The following CLYBL variants were observed in gnomAD, a reference collection of about 807,000 sequenced individuals.
CLYBL encodes the protein citramalyl-CoA lyase.
A neutral mutation model predicts 38.9 loss-of-function variants in CLYBL; 31 were observed. The ratio of observed to expected loss-of-function variants is 0.80; its 90% confidence interval spans 0.60 to 1.08. The LOEUF (loss-of-function observed/expected upper bound fraction) is 1.08, where lower values mean the gene tolerates loss of function less well. Ranked by LOEUF, CLYBL falls within the 50% of genes least tolerant of loss-of-function variation. The pLI is 0.00. For synonymous variants in CLYBL, 171 were observed against 158.6 expected (o/e 1.08, Z -0.59); for missense variants, 434 against 411.6 (o/e 1.05, Z -0.47).
In CLYBL at chr13:99,849,445, C is replaced by T. The variant is rs766312133; in HGVS notation, c.250-9416C>T. On this transcript the variant is annotated intron_variant, in intron 2 of 8. Coordinates refer to ENST00000339105, the MANE Select transcript of CLYBL (RefSeq NM_206808.5). This position sits in a 1 kb window ranked among gnomAD's most constrained non-coding sequence, Gnocchi z 4.9. The stretch of plus-strand genomic sequence containing the variant: ...AGCGGATTGCTGGGGCCTAGGAGTT[C>T]GAGGCAGCAGTGAGCCATGATCCTG... Among the ~76,000 whole-genome samples the T allele has an allele frequency of 2.0e-5, 3 of 151,896 alleles. No homozygotes were observed. Among genetic ancestry groups the T allele is most frequent in the African/African-American group, 4.8e-5 (2 of 41,336 alleles).
chr13:99,880,980 G>A (rs1053161039), intron 7 of CLYBL, among the ~76,000 whole-genome samples: 8 of 152,206 alleles, frequency 5.3e-5, no homozygotes, highest in Non-Finnish European at 8.8e-5. Flanking sequence ...TGGGCTTTCC[G>A]GGGCCTTCCC....
At chr13:99,620,440 G>T (rs950925828) in intron 1 of CLYBL, among the ~76,000 whole-genome samples, 1 of 152,208 alleles carries the variant, frequency 6.6e-6, no homozygotes, top group Non-Finnish European at 1.5e-5. Context: ...AACAAGCAGT[G>T]CTGATGTCAG....
At chr13:99,719,241 C>G (rs2048361257) in intron 1 of CLYBL, among the ~76,000 whole-genome samples, 1 of 149,604 alleles carries the variant, frequency 6.7e-6, no homozygotes, top group Admixed American at 6.7e-5. Flanking sequence ...ACCTCCTGGG[C>G]TCACATGATC....
At chr13:99,728,241 A>G (rs2048514615) in intron 1 of CLYBL, among the ~76,000 whole-genome samples, 2 of 151,306 alleles carry the variant, frequency 1.3e-5, no homozygotes, top group Non-Finnish European at 2.9e-5. Context: ...TAAACTGGGT[A>G]CTTATTAATA....
At chr13:99,647,359 C>T (rs1487520285) in intron 1 of CLYBL, among the ~76,000 whole-genome samples, 3 of 152,106 alleles carry the variant, frequency 2.0e-5, no homozygotes, top group African/African-American at 7.2e-5. Context: ...GGAAGGCTCC[C>T]GCCCCACCTA....
At chr13:99,708,381 A>C (rs141821756) in intron 1 of CLYBL, among the ~76,000 whole-genome samples, 11 of 152,036 alleles carry the variant, frequency 7.2e-5, no homozygotes, top group South Asian at 6.2e-4. Flanking sequence ...TCATTTATTC[A>C]CTCACTCACT....
chr13:99,659,202 A>G (rs892948710), intron 1 of CLYBL, among the ~76,000 whole-genome samples: 2 of 150,672 alleles, frequency 1.3e-5, no homozygotes, highest in African/African-American at 2.5e-5. Flanking sequence ...CCTCTAAGCT[A>G]TGTGTGTGTG....
At chr13:99,635,490 T>TC (rs2047006277) in intron 1 of CLYBL, among the ~76,000 whole-genome samples, 1 of 152,098 alleles carries the variant, frequency 6.6e-6, no homozygotes, top group African/African-American at 2.4e-5. Context: ...AGCCTCCCCT[T>TC]CCACATGTTC....
Position 99,725,374 on chromosome 13 carries a change from A to G in CLYBL, c.63-47450A>G, listed in dbSNP as rs76205212. On this transcript the variant is annotated intron_variant, in intron 1 of 8. Coordinates refer to ENST00000339105, the MANE Select transcript of CLYBL (RefSeq NM_206808.5). The stretch of plus-strand genomic sequence containing the variant: ...TCAGGAACTGCTCTCAAGGGGAACA[A>G]AAGAAAAGGAAAAGTGAGGGCTAAC... Among the ~76,000 whole-genome samples, 1,128 of 152,286 alleles carry G rather than the reference A, an allele frequency of 7.4e-3. 12 individuals carry two copies. The highest frequency in any genetic ancestry group is 0.026 in the African/African-American group (1,068 of 41,544).
intron 7 of CLYBL, among the ~76,000 whole-genome samples, chr13:99,879,163 G>GA (rs770700320): frequency 3.2e-4 from 48 of 152,136 alleles, no homozygotes; most frequent in Admixed American, 1.2e-3. Flanking sequence ...TTGCACCCCC[G>GA]ACTTCCTGGA....
intron 1 of CLYBL, among the ~76,000 whole-genome samples, chr13:99,738,632 A>G (rs2048703370): frequency 6.6e-6 from 1 of 152,204 alleles, no homozygotes; most frequent in South Asian, 2.1e-4. Context: ...AGACCCAGAG[A>G]TTCAAGGGGA....
chr13:99,709,706 A>G (rs902292541), intron 1 of CLYBL, among the ~76,000 whole-genome samples: 3 of 151,908 alleles, frequency 2.0e-5, no homozygotes, highest in African/African-American at 7.3e-5. Context: ...TAACCCCTTC[A>G]AAATTAACTC....
chr13:99,623,440 A>G (rs766923167), intron 1 of CLYBL, among the ~76,000 whole-genome samples: 4 of 152,198 alleles, frequency 2.6e-5, no homozygotes, highest in Non-Finnish European at 5.9e-5. Flanking sequence ...CAAGGAGTAT[A>G]TGATCTTCTC....
intron 2 of CLYBL, among the ~76,000 whole-genome samples, chr13:99,814,729 G>GAAA (rs36062611): frequency 2.4e-5 from 3 of 123,838 alleles, no homozygotes; most frequent in Admixed American, 8.3e-5. Flanking sequence ...CCCTGTCTCA[G>GAAA]AAAAAAAAAA....
intron 1 of CLYBL, among the ~76,000 whole-genome samples, chr13:99,746,161 T>A (rs1395007062): frequency 6.6e-6 from 1 of 152,126 alleles, no homozygotes; most frequent in Non-Finnish European, 1.5e-5. Flanking sequence ...GGGAGATGCA[T>A]TAATTTGACA....
At chr13:99,871,752 T>A (rs191248543) in intron 7 of CLYBL, among the ~76,000 whole-genome samples, 2 of 152,338 alleles carry the variant, frequency 1.3e-5, no homozygotes, top group Admixed American at 6.5e-5. Flanking sequence ...GAAGATTTTA[T>A]GCTAGTTGCA....
At chr13:99,798,684 C>T (rs1191820730) in intron 2 of CLYBL, among the ~76,000 whole-genome samples, 3 of 152,170 alleles carry the variant, frequency 2.0e-5, no homozygotes. Context: ...AGAGATATTG[C>T]ATGATTGGAC....
chr13:99,652,734 C>G (rs2047272816), intron 1 of CLYBL, among the ~76,000 whole-genome samples: 2 of 152,236 alleles, frequency 1.3e-5, no homozygotes, highest in Admixed American at 1.3e-4. Flanking sequence ...CCTCTTTCAC[C>G]TCCATACTCA....
chr13:99,841,164 G>A (rs17612107), intron 2 of CLYBL, among the ~76,000 whole-genome samples: 9,899 of 152,214 alleles, frequency 0.065, 497 homozygotes, highest in East Asian at 0.17. Flanking sequence ...GAGAGGTGGA[G>A]AGCATACTAG....
Sources: gnomAD v4.1 joint callset for allele counts (sites outside exome capture counted in the v4.1 genomes callset) on GRCh38, gnomAD v4.1.1 for gene constraint, Gnocchi (gnomAD v3.1) non-coding constraint, MANE v1.5 for transcripts, NCBI Gene and HGNC (gene_info 2026-07-23, HGNC 2026-07-21) for gene names.